Variants in IPO5 observed in about 807,000 individuals in gnomAD.
IPO5 encodes importin 5, also known as importin-5.
A neutral mutation model predicts 143.3 loss-of-function variants in IPO5; 18 were observed. The observed-to-expected ratio is 0.13, with a 90% CI of 0.09 to 0.19. The LOEUF is 0.19. Among genes scored for constraint, IPO5 ranks in the 10% least tolerant of loss-of-function variants. The pLI is 1.00. For missense variants in IPO5, 1,013 were observed against 1,336.9 expected (o/e 0.76, Z 3.78); for synonymous variants, 477 against 465.7 (o/e 1.02, Z -0.31).
At chr13:97,965,444 G>A (rs1885250856) in intron 2 of IPO5, among the ~76,000 whole-genome samples, 2 of 152,052 alleles carry the variant, frequency 1.3e-5, no homozygotes, top group African/African-American at 2.4e-5. Flanking sequence ...AAGGGAGGGA[G>A]GTATCACCAT....
At chr13:97,978,558 A>T (rs1886582941) in intron 4 of IPO5, among the ~76,000 whole-genome samples, 1 of 152,026 alleles carries the variant, frequency 6.6e-6, no homozygotes. Flanking sequence ...TGCCTTGGGG[A>T]TATGATGATG....
intron 11 of IPO5, among the ~76,000 whole-genome samples, chr13:97,994,825 A>G (rs1314809991): frequency 6.6e-6 from 1 of 152,124 alleles, no homozygotes; most frequent in Non-Finnish European, 1.5e-5. Context: ...TAAAAAGATA[A>G]TTGATCAAAA....
chr13:97,981,191 T>TTA, intron 4 of IPO5: 21 of 444,092 alleles, frequency 4.7e-5, no homozygotes, highest in South Asian at 3.4e-4. Flanking sequence ...GAACTTGAGG[T>TTA]TATCAGAAGA....
intron 11 of IPO5, among the ~76,000 whole-genome samples, chr13:97,994,123 A>G (rs1365216465): frequency 1.3e-5 from 2 of 152,180 alleles, no homozygotes; most frequent in African/African-American, 4.8e-5. Flanking sequence ...CCTGGCTAAC[A>G]TGCTAAAACC....
intron 3 of IPO5, among the ~76,000 whole-genome samples, chr13:97,971,017 GAGA>G (rs1236157779): frequency 6.6e-6 from 1 of 152,188 alleles, no homozygotes; most frequent in East Asian, 1.9e-4. Flanking sequence ...ACCCATTTCA[GAGA>G]AGAAGAAACT....
chr13:97,997,511 G>C lies in IPO5; in HGVS notation c.914-20G>C. On this transcript the variant is annotated intron_variant, in intron 11 of 28. Coordinates refer to ENST00000651721, the MANE Select transcript of IPO5 (RefSeq NM_002271.6). ...AGATAAAGTCACAGTCTTCGGGTAT[G>C]AAATAATTGTTTACTTTAGTTCCTC... 1 of 1,442,256 alleles carries C rather than the reference G, an allele frequency of 6.9e-7. No homozygotes were observed. The highest frequency in any genetic ancestry group is 9.7e-7 in the Non-Finnish European group (1 of 1,030,746). 89.3% of individuals were successfully genotyped at this position (1,442,256 alleles called of 1,614,324 possible).
At position 97,954,177 on chromosome 13, in the gene IPO5, T is replaced by C. The variant is rs1482818939; in HGVS notation, c.-134T>C. On this transcript the variant is annotated 5_prime_UTR_variant, in exon 2 of 29. Transcript: ENST00000651721. The stretch of plus-strand genomic sequence containing the variant: ...GTGTAGGCACAACTGTTTTCCCTGA[T>C]CAGGATACTTGCGGCACTCAAGTGA... 5.1e-6 allele frequency: 1 copy of C among 194,708 alleles called. No individual in the cohort carries two copies. Among genetic ancestry groups the C allele is most frequent in the Non-Finnish European group, 1.1e-5 (1 of 93,042 alleles). The allele number at this position is 194,708 out of a possible 1,614,324, so 12.1% of individuals were successfully genotyped here. A position where few individuals can be genotyped will look rare whatever the true frequency, so the allele number is the denominator to read the frequency against.
rs975082246 is a variant in IPO5, at chr13:97,974,431, C to G, written c.-4-2262C>G. Among the ~76,000 whole-genome samples the G allele has an allele frequency of 1.8e-4, 27 of 151,728 alleles. 1 individual carries two copies. The highest frequency in any genetic ancestry group is 2.4e-5 in the African/African-American group (1 of 41,288). ...AAGTGATTCTCCTGCCTCAGCCTCCCGAGTAGCTGGGATTACAGGCGCCCA... is the reference window on the plus strand; with the variant it reads ...AAGTGATTCTCCTGCCTCAGCCTCCGGAGTAGCTGGGATTACAGGCGCCCA... On this transcript the variant is annotated intron_variant, in intron 3 of 28. Transcript: ENST00000651721.
intron 11 of IPO5, among the ~76,000 whole-genome samples, chr13:97,996,325 A>G (rs1888286342): frequency 6.6e-6 from 1 of 152,182 alleles, no homozygotes; most frequent in Non-Finnish European, 1.5e-5. Context: ...TGCTGGGATA[A>G]CAGGTGTGCA....
chr13:97,959,511 C>T (rs1288406346), intron 2 of IPO5, among the ~76,000 whole-genome samples: 1 of 151,892 alleles, frequency 6.6e-6, no homozygotes, highest in East Asian at 2.0e-4. Context: ...GGGTGGGTCA[C>T]AAAGTCAGAA....
At chr13:97,967,457 G>A (rs1423806412) in intron 2 of IPO5, among the ~76,000 whole-genome samples, 1 of 150,822 alleles carries the variant, frequency 6.6e-6, no homozygotes, top group East Asian at 1.9e-4. Flanking sequence ...CTTTCAGCTT[G>A]TTGTGGATTT....
At position 98,022,000 on chromosome 13, in the gene IPO5, T is replaced by C. The variant is rs910673013; in HGVS notation, c.*178T>C. ...TGTTGCAGAATGGAGTTTCCATGGA[T>C]TTCTACCAGACCACTGAAGGAGTTC... On this transcript the variant is annotated 3_prime_UTR_variant, in exon 29 of 29. Transcript: ENST00000651721. 4.8e-6 allele frequency: 2 copies of C among 416,432 alleles called. No homozygotes were observed. The highest frequency in any genetic ancestry group is 4.0e-5 in the African/African-American group (2 of 50,570). The allele number at this position is 416,432 out of a possible 1,614,324, so 25.8% of individuals were successfully genotyped here.
chr13:97,997,181 A>G (rs747944382), intron 11 of IPO5, among the ~76,000 whole-genome samples: 2 of 152,222 alleles, frequency 1.3e-5, no homozygotes, highest in Non-Finnish European at 2.9e-5. Flanking sequence ...AAATAGTACT[A>G]TAATTTTGTA....
At chr13:98,000,772 A>G (rs1422866928) in intron 13 of IPO5, 127 bp downstream of exon 13, 17 of 644,068 alleles carry the variant, frequency 2.6e-5, no homozygotes, top group Middle Eastern at 2.7e-4. Flanking sequence ...AACCCAATTC[A>G]TTTATTTTAC....
At chr13:98,008,691 C>T (rs1889467732) in intron 18 of IPO5, among the ~76,000 whole-genome samples, 2 of 152,266 alleles carry the variant, frequency 1.3e-5, no homozygotes, top group Non-Finnish European at 2.9e-5. Flanking sequence ...TATACATACC[C>T]AGCTAACGCT....
chr13:97,974,764 C>T (rs781258071), intron 3 of IPO5, among the ~76,000 whole-genome samples: 23 of 150,736 alleles, frequency 1.5e-4, no homozygotes, highest in Non-Finnish European at 2.9e-4. Context: ...GAAGAAATAA[C>T]GTGGCATAAG....
chr13:97,992,175 A>G (rs1455290291), intron 9 of IPO5, among the ~76,000 whole-genome samples: 2 of 152,236 alleles, frequency 1.3e-5, no homozygotes, highest in Admixed American at 1.3e-4. Context: ...ATCTCTAGTT[A>G]CTGTTGAAAT....
At chr13:97,990,020 G>A (rs1346504013) in intron 7 of IPO5, 106 bp from the exon 8 acceptor site, 2 of 688,966 alleles carry the variant, frequency 2.9e-6, no homozygotes, top group Non-Finnish European at 5.1e-6. Context: ...ATGGATTAAT[G>A]CGTACTGAGT....
intron 4 of IPO5, among the ~76,000 whole-genome samples, chr13:97,979,241 C>T (rs980365596): frequency 2.6e-5 from 4 of 152,202 alleles, no homozygotes; most frequent in Admixed American, 6.5e-5. Flanking sequence ...TTTACTCATT[C>T]AAAATAAAAA....
Sources: gnomAD v4.1 joint callset for allele counts (sites outside exome capture counted in the v4.1 genomes callset) on GRCh38, gnomAD v4.1.1 for gene constraint, MANE v1.5 for transcripts, NCBI Gene and HGNC (gene_info 2026-07-23, HGNC 2026-07-21) for gene names.